NR3C2: variants seen among roughly 807,000 people sequenced by gnomAD.
NR3C2 encodes the protein mineralocorticoid receptor.
A neutral mutation model predicts 86.4 loss-of-function variants in NR3C2; 15 were observed. That is an observed-to-expected ratio of 0.17 (90% CI 0.12 to 0.27). The LOEUF (loss-of-function observed/expected upper bound fraction) is 0.27. Among genes scored for constraint, NR3C2 ranks in the 10% least tolerant of loss-of-function variants. NR3C2 has a pLI of 1.00. For synonymous variants in NR3C2, 458 were observed against 450.5 expected, an observed-to-expected ratio of 1.02 and a Z score of -0.21; for missense variants, 960 against 1,195.6, an observed-to-expected ratio of 0.80 and a Z score of 2.91.
chr4:148,413,276 T>C (rs1435135236), intron 2 of NR3C2, among the ~76,000 whole-genome samples: 1 of 152,156 alleles, frequency 6.6e-6, no homozygotes, highest in Non-Finnish European at 1.5e-5. Flanking sequence ...TAGAGGATGG[T>C]GGTAGAAATG....
intron 2 of NR3C2, among the ~76,000 whole-genome samples, chr4:148,396,214 T>C (rs923138706): frequency 6.6e-6 from 1 of 152,246 alleles, no homozygotes; most frequent in African/African-American, 2.4e-5. Context: ...ACCTATCATA[T>C]GCAATATTTC....
intron 3 of NR3C2, among the ~76,000 whole-genome samples, chr4:148,224,656 C>T (rs2149831649): frequency 6.6e-6 from 1 of 152,262 alleles, no homozygotes; most frequent in Non-Finnish European, 1.5e-5. Flanking sequence ...AATGTTTGGG[C>T]TTTGAAGTGG....
intron 2 of NR3C2, among the ~76,000 whole-genome samples, chr4:148,316,542 C>A (rs1394964907): frequency 6.6e-6 from 1 of 152,132 alleles, no homozygotes; most frequent in African/African-American, 2.4e-5. Context: ...AATAAGTTAT[C>A]TGTGAACATT....
chr4:148,360,161 A>G (rs1402409451), intron 2 of NR3C2, among the ~76,000 whole-genome samples: 1 of 152,200 alleles, frequency 6.6e-6, no homozygotes, highest in African/African-American at 2.4e-5. Context: ...AAATAAATAC[A>G]TTGCTCATCT....
At chr4:148,341,981 G>C (rs973586464) in intron 2 of NR3C2, among the ~76,000 whole-genome samples, 2 of 151,996 alleles carry the variant, frequency 1.3e-5, no homozygotes, top group African/African-American at 4.8e-5. Flanking sequence ...AAAATATTAC[G>C]GTCACAACTT....
intron 4 of NR3C2, among the ~76,000 whole-genome samples, chr4:148,187,980 C>A (rs1736013624): frequency 6.6e-6 from 1 of 152,162 alleles, no homozygotes; most frequent in South Asian, 2.1e-4. Flanking sequence ...AATGTCCTTT[C>A]CCTATCTTAT....
chr4:148,218,449 C>T (rs1413777411), intron 3 of NR3C2, among the ~76,000 whole-genome samples: 1 of 152,178 alleles, frequency 6.6e-6, no homozygotes, highest in African/African-American at 2.4e-5. Context: ...CAACAAGAAT[C>T]CCATATTCAC....
At chr4:148,212,213 G>A (rs1256718742) in intron 3 of NR3C2, among the ~76,000 whole-genome samples, 2 of 152,192 alleles carry the variant, frequency 1.3e-5, no homozygotes, top group African/African-American at 4.8e-5. Flanking sequence ...ATTTCACATT[G>A]TTCTTATTGC....
chr4:148,307,061 T>G (rs1455836007), intron 2 of NR3C2, among the ~76,000 whole-genome samples: 41 of 152,130 alleles, frequency 2.7e-4, no homozygotes. Context: ...CACTTTAGTG[T>G]TTTTAAATTT....
intron 2 of NR3C2, among the ~76,000 whole-genome samples, chr4:148,302,402 A>AGGT (rs4026975): frequency 7.5e-4 from 113 of 151,580 alleles, no homozygotes; most frequent in African/African-American, 2.5e-3. Context: ...TAATTGAGTA[A>AGGT]ACATCCTGTG....
intron 8 of NR3C2, among the ~76,000 whole-genome samples, chr4:148,086,938 A>G (rs1222731544): frequency 1.3e-5 from 2 of 152,218 alleles, no homozygotes; most frequent in African/African-American, 4.8e-5. Context: ...CAATCAGGCA[A>G]GAGAAAGAAA....
intron 2 of NR3C2, among the ~76,000 whole-genome samples, chr4:148,269,875 A>G (rs1740587137): frequency 6.6e-6 from 1 of 152,208 alleles, no homozygotes. Context: ...ATTCATAAAT[A>G]CAGTGGCTTT....
At position 148,155,322 on chromosome 4, in the gene NR3C2, T is replaced by C. The variant is rs574436552; in HGVS notation, c.2015-421A>G. ...CAATTAGGAAAAGACGAAGTCAAAT[T>C]GTCCCTGTTTGCAGACGACATGATT... On this transcript the variant is annotated intron_variant, in intron 4 of 8. Transcript: ENST00000358102. 5.9e-5 allele frequency among the ~76,000 whole-genome samples: 9 copies of C among 152,314 alleles called. No homozygotes were observed. The East Asian group carries it at 1.4e-3, about 23-fold the overall frequency.
rs1266597458 is a variant in NR3C2, at chr4:148,341,711, C to T, written c.1758-81594G>A. Among the ~76,000 whole-genome samples, 3 of 151,890 alleles carry T rather than the reference C, an allele frequency of 2.0e-5. No homozygotes were observed. The East Asian group carries it at 5.8e-4, about 29-fold the overall frequency. On this transcript the variant is annotated intron_variant, in intron 2 of 8. Transcript: ENST00000358102. ...TGCATATATCAAAACACCACATGTACCCCCAACATAGGTACAGCTCTTATG... is the reference window on the plus strand; with the variant it reads ...TGCATATATCAAAACACCACATGTATCCCCAACATAGGTACAGCTCTTATG...
chr4:148,128,798 C>A (rs1293311706), intron 6 of NR3C2, among the ~76,000 whole-genome samples: 1 of 152,206 alleles, frequency 6.6e-6, no homozygotes, highest in African/African-American at 2.4e-5. Context: ...ACTAGGAAGT[C>A]ACATAGGCAG....
At chr4:148,443,236 AAAAAAAAAAAAAAAAAAAGAG>A, upstream of NR3C2, among the ~76,000 whole-genome samples, 1 of 124,006 alleles carries the variant, frequency 8.1e-6, no homozygotes. Context: ...AAAAAAAAAA[AAAAAAAAAAAAAAAAAAAGAG>A]AGAGAGAGAA....
chr4:148,342,215 G>A (rs1240871160), intron 2 of NR3C2, among the ~76,000 whole-genome samples: 1 of 152,194 alleles, frequency 6.6e-6, no homozygotes. Flanking sequence ...TCAGTGGATA[G>A]CGAAGTACGT....
At chr4:148,306,907 CTA>C (rs1156477083) in intron 2 of NR3C2, among the ~76,000 whole-genome samples, 1 of 152,150 alleles carries the variant, frequency 6.6e-6, no homozygotes, top group African/African-American at 2.4e-5. Context: ...TTGTTTACAA[CTA>C]TGTGTCTCTT....
intron 3 of NR3C2, among the ~76,000 whole-genome samples, chr4:148,204,154 A>G (rs1438908419): frequency 6.6e-6 from 1 of 152,210 alleles, no homozygotes; most frequent in African/African-American, 2.4e-5. Flanking sequence ...GTAAAAGATA[A>G]TCAAAGATAA....
Sources: allele counts gnomAD v4.1 joint callset (sites outside exome capture counted in the v4.1 genomes callset), GRCh38; gene constraint gnomAD v4.1.1; transcripts MANE v1.5; gene names NCBI Gene and HGNC (gene_info 2026-07-23, HGNC 2026-07-21).